Variants in PRKCE observed in about 807,000 individuals in gnomAD.
PRKCE encodes protein kinase C epsilon type.
Under a neutral mutation model 85.4 loss-of-function variants are expected in PRKCE, and 16 were observed. The observed-to-expected ratio is 0.19, with a 90% CI of 0.13 to 0.28. The LOEUF is 0.28. PRKCE is among the 10% of genes least tolerant of loss of function. The pLI, the probability that PRKCE is intolerant of heterozygous loss-of-function variation, is 1.00. For synonymous variants in PRKCE, 388 were observed against 371.5 expected (o/e 1.04, Z -0.51); for missense variants, 573 against 975.2 (o/e 0.59, Z 5.49).
intron 1 of PRKCE, among the ~76,000 whole-genome samples, chr2:45,743,922 G>A (rs968598303): frequency 2.6e-5 from 4 of 151,542 alleles, no homozygotes; most frequent in Non-Finnish European, 4.4e-5. Flanking sequence ...GGTGAAGGGC[G>A]AACAGACCTG....
intron 1 of PRKCE, among the ~76,000 whole-genome samples, chr2:45,783,076 T>G (rs763869582): frequency 6.6e-6 from 1 of 152,220 alleles, no homozygotes; most frequent in Non-Finnish European, 1.5e-5. Flanking sequence ...TAAATAGCCA[T>G]GTGCTGGCCC....
chr2:46,058,612 G>C (rs922458015), intron 10 of PRKCE, among the ~76,000 whole-genome samples: 3 of 152,072 alleles, frequency 2.0e-5, no homozygotes, highest in South Asian at 4.2e-4. Flanking sequence ...GCGGAGTGTC[G>C]GACTACTCAC....
At chr2:46,114,142 A>G (rs1432908258) in intron 11 of PRKCE, among the ~76,000 whole-genome samples, 1 of 152,022 alleles carries the variant, frequency 6.6e-6, no homozygotes, top group African/African-American at 2.4e-5. Context: ...CCACAGAAGA[A>G]CCCTGCGGTT....
chr2:45,951,301 G>A (rs1700603071), intron 2 of PRKCE, among the ~76,000 whole-genome samples: 1 of 152,210 alleles, frequency 6.6e-6, no homozygotes, highest in South Asian at 2.1e-4. Flanking sequence ...AGGCTCTAAG[G>A]AGGAACCCAG....
At chr2:45,989,327 C>T (rs971608332) in intron 6 of PRKCE, among the ~76,000 whole-genome samples, 2 of 152,196 alleles carry the variant, frequency 1.3e-5, no homozygotes, top group African/African-American at 2.4e-5. Flanking sequence ...CTCTGATCTG[C>T]GGCTGTTTTC....
At chr2:45,876,567 A>G (rs1156710842) in intron 2 of PRKCE, among the ~76,000 whole-genome samples, 1 of 152,162 alleles carries the variant, frequency 6.6e-6, no homozygotes, top group East Asian at 1.9e-4. Context: ...CCCTGTATAG[A>G]CTGGTCCAGC....
At chr2:45,769,801 T>G (rs1354099163) in intron 1 of PRKCE, among the ~76,000 whole-genome samples, 1 of 152,256 alleles carries the variant, frequency 6.6e-6, no homozygotes, top group Non-Finnish European at 1.5e-5. Flanking sequence ...TGTTTAGCCT[T>G]TGCTAAGTGC....
At chr2:45,972,016 T>G (rs1702141893) in intron 2 of PRKCE, among the ~76,000 whole-genome samples, 1 of 152,206 alleles carries the variant, frequency 6.6e-6, no homozygotes, top group Admixed American at 6.5e-5. Context: ...TAGTTCTATT[T>G]TTCGTTTCTT....
intron 2 of PRKCE, among the ~76,000 whole-genome samples, chr2:45,873,137 A>T (rs532663679): frequency 6.6e-6 from 1 of 152,226 alleles, no homozygotes. Context: ...ACATATACAC[A>T]CTAGACTGTC....
intron 14 of PRKCE, among the ~76,000 whole-genome samples, chr2:46,162,968 C>G (rs1259253311): frequency 2.0e-5 from 3 of 152,182 alleles, no homozygotes; most frequent in Non-Finnish European, 4.4e-5. Context: ...AAATAAAGCC[C>G]AAGGATTAAA....
At chr2:45,808,947 C>T (rs1199125922) in intron 1 of PRKCE, among the ~76,000 whole-genome samples, 1 of 152,114 alleles carries the variant, frequency 6.6e-6, no homozygotes, top group African/African-American at 2.4e-5. Context: ...CTCCTGTTGC[C>T]CTCTTCCTAA....
chr2:46,018,876 G>T (rs910348909), intron 10 of PRKCE, among the ~76,000 whole-genome samples: 2 of 152,212 alleles, frequency 1.3e-5, no homozygotes, highest in Non-Finnish European at 2.9e-5. Flanking sequence ...TAGACATTCT[G>T]CATCGGGGGT....
Position 45,770,199 on chromosome 2 carries a change from C to A in PRKCE, c.349-72801C>A, listed in dbSNP as rs115225385. 9.4e-3 allele frequency among the ~76,000 whole-genome samples: 1,431 copies of A among 152,280 alleles called. 16 individuals are homozygous for A. Among genetic ancestry groups the A allele is most frequent in the African/African-American group, 0.033 (1,356 of 41,536 alleles). On this transcript the variant is annotated intron_variant, in intron 1 of 14. Transcript: ENST00000306156. ...AGCCCTGGGGGACACTGTTCTGCTC[C>A]CCTCCTGTCCGGGGAGTTGCTGCTC...
intron 2 of PRKCE, among the ~76,000 whole-genome samples, chr2:45,882,285 G>T (rs531738169): frequency 1.2e-4 from 19 of 152,144 alleles, no homozygotes; most frequent in Non-Finnish European, 2.4e-4. Flanking sequence ...GTTGTCTTTT[G>T]ATGCTGTCCT....
chr2:45,961,881 G>C (rs1439114012), intron 2 of PRKCE, among the ~76,000 whole-genome samples: 1 of 152,140 alleles, frequency 6.6e-6, no homozygotes, highest in Non-Finnish European at 1.5e-5. Flanking sequence ...TTTTAGTAGA[G>C]ACGGGGTTTC....
intron 2 of PRKCE, among the ~76,000 whole-genome samples, chr2:45,854,364 A>G (rs939350810): frequency 6.6e-6 from 1 of 152,186 alleles, no homozygotes; most frequent in African/African-American, 2.4e-5. Context: ...ACAGGTTACC[A>G]TAGGGAGGCA....
chr2:46,145,016 G>C lies in PRKCE; in HGVS notation c.1593-77G>C. 1 of 1,573,624 alleles carries C rather than the reference G, an allele frequency of 6.4e-7. No homozygotes were observed. Among genetic ancestry groups the C allele is most frequent in the East Asian group, 2.3e-5 (1 of 44,414 alleles). ...TTTTGCTGGAGATTTCCCTAAGATA[G>C]GCACATACCTCCAACTCAGGAAGAC... is the stretch of plus-strand genomic sequence containing the variant. On this transcript the variant is annotated intron_variant, in intron 11 of 14. Coordinates refer to ENST00000306156, the MANE Select transcript of PRKCE (RefSeq NM_005400.3). This position sits in a 1 kb window ranked among gnomAD's most constrained non-coding sequence, Gnocchi z 4.6.
At chr2:46,032,590 C>T (rs1707601799) in intron 10 of PRKCE, among the ~76,000 whole-genome samples, 1 of 152,148 alleles carries the variant, frequency 6.6e-6, no homozygotes, top group African/African-American at 2.4e-5. Context: ...CCAAAAGTTC[C>T]AGGATGACTT....
chr2:45,732,934 C>T (rs375268582), intron 1 of PRKCE, among the ~76,000 whole-genome samples: 4 of 152,116 alleles, frequency 2.6e-5, no homozygotes, highest in Non-Finnish European at 4.4e-5. Context: ...CAAGGGTCGA[C>T]GACTTTCTTT....
Sources: allele counts gnomAD v4.1 joint callset (sites outside exome capture counted in the v4.1 genomes callset), GRCh38; gene constraint gnomAD v4.1.1; non-coding constraint Gnocchi (gnomAD v3.1); transcripts MANE v1.5; gene names NCBI Gene and HGNC (gene_info 2026-07-23, HGNC 2026-07-21).